CSMD2: variants seen among roughly 807,000 people sequenced by gnomAD.
The protein encoded by CSMD2 is CUB and sushi domain-containing protein 2.
In CSMD2, 130 loss-of-function variants were observed where a neutral mutation model predicts 398.5. The ratio of observed to expected loss-of-function variants is 0.33; its 90% CI spans 0.28 to 0.38. The LOEUF (loss-of-function observed/expected upper bound fraction) is 0.38, where lower values mean the gene tolerates loss of function less well. Among genes scored for constraint, CSMD2 ranks in the 10% least tolerant of loss-of-function variants. The pLI is 1.00. For synonymous variants in CSMD2, 1,828 were observed against 1,908.5 expected (o/e 0.96, Z 1.10); for missense variants, 3,829 against 4,764.9 (o/e 0.80, Z 5.78).
intron 5 of CSMD2, among the ~76,000 whole-genome samples, chr1:33,894,145 C>T (rs1642225913): frequency 2.0e-5 from 3 of 152,252 alleles, no homozygotes; most frequent in South Asian, 2.1e-4. Flanking sequence ...CAGTGGCTCC[C>T]CAAGGCTGAA....
At chr1:33,824,633 G>C (rs1424992316) in intron 7 of CSMD2, among the ~76,000 whole-genome samples, 1 of 152,014 alleles carries the variant, frequency 6.6e-6, no homozygotes, top group Non-Finnish European at 1.5e-5. Context: ...AGTACTTCTA[G>C]CATCTCCAGG....
intron 19 of CSMD2, among the ~76,000 whole-genome samples, chr1:33,723,172 A>G (rs923197293): frequency 6.6e-6 from 1 of 152,234 alleles, no homozygotes; most frequent in Non-Finnish European, 1.5e-5. Context: ...ACAACATTTT[A>G]ATATCCGGAA....
intron 3 of CSMD2, among the ~76,000 whole-genome samples, chr1:34,004,672 G>A (rs907542071): frequency 3.9e-5 from 6 of 152,142 alleles, no homozygotes; most frequent in Non-Finnish European, 8.8e-5. Context: ...ATTGGTTAGG[G>A]TGTAGGAGGG....
intron 7 of CSMD2, among the ~76,000 whole-genome samples, chr1:33,821,508 A>G (rs933160997): frequency 6.6e-6 from 1 of 152,170 alleles, no homozygotes; most frequent in African/African-American, 2.4e-5. Context: ...ACCTCTAGAC[A>G]AGGGTTCCAG....
intron 3 of CSMD2, among the ~76,000 whole-genome samples, chr1:33,958,530 T>C (rs1045550496): frequency 1.5e-4 from 23 of 152,154 alleles, no homozygotes; most frequent in Admixed American, 1.4e-3. Context: ...TGAGTTGACT[T>C]TGAGTTAATC....
At chr1:34,143,733 G>T (rs937346843) in intron 1 of CSMD2, among the ~76,000 whole-genome samples, 1 of 152,192 alleles carries the variant, frequency 6.6e-6, no homozygotes, top group African/African-American at 2.4e-5. Flanking sequence ...TCTTGGTGTT[G>T]CTACTGCTTT....
At position 33,606,506 on chromosome 1, in the gene CSMD2, G is replaced by C. The variant is rs573243064; in HGVS notation, c.6344-1036C>G. Among the ~76,000 whole-genome samples, 5 of 152,330 alleles carry C rather than the reference G, an allele frequency of 3.3e-5. No homozygotes were observed. The South Asian group carries it at 1.0e-3, about 32-fold the overall frequency. ...CCCTGGGAAATCATTGAGGTAATTG[G>C]GTGTGCCAAAAACTGAGCAACCACA... On this transcript the variant is annotated intron_variant, in intron 41 of 70. Coordinates refer to ENST00000373381, the MANE Select transcript of CSMD2 (RefSeq NM_001281956.2).
At position 33,569,425 on chromosome 1, in the gene CSMD2, G is replaced by C. The variant is rs752189179; in HGVS notation, c.8080C>G (p.Arg2694Gly). Reference protein sequence around the residue: ...SGYTLVGSRVRECMANGLWSG... With the variant: ...SGYTLVGSRVGECMANGLWSG... ...CAGAGCCCATTGGCCATGCACTCAC[G>C]CACCCTGGAGCCCACCAGTGTGTAT... Residue 2694 changes from arginine to glycine, a missense_variant, in exon 52 of 71, where the codon CGT becomes GGT. By Grantham distance (125) the Arg-to-Gly change is moderately radical (BLOSUM62 -2). This residue lies in a region of CSMD2 where 723 missense variants were observed against 758.6 expected (regional missense o/e 0.95). Transcript: ENST00000373381. 1.9e-6 allele frequency: 3 copies of C among 1,614,186 alleles called. No homozygotes were observed. The Admixed American group carries it at 5.0e-5, about 27-fold the overall frequency.
intron 3 of CSMD2, among the ~76,000 whole-genome samples, chr1:33,958,148 T>C (rs1645232359): frequency 6.6e-6 from 1 of 152,174 alleles, no homozygotes; most frequent in South Asian, 2.1e-4. Flanking sequence ...ACAGGGATCC[T>C]CATTCCATGA....
chr1:34,118,181 A>T (rs975256899), intron 1 of CSMD2, among the ~76,000 whole-genome samples: 1 of 152,202 alleles, frequency 6.6e-6, no homozygotes, highest in Non-Finnish European at 1.5e-5. Flanking sequence ...ATGCCATTGC[A>T]CTTTAGCCCA....
At chr1:33,553,779 G>C (rs1470399505) in intron 55 of CSMD2, among the ~76,000 whole-genome samples, 1 of 152,144 alleles carries the variant, frequency 6.6e-6, no homozygotes, top group African/African-American at 2.4e-5. Context: ...TGCCAACATG[G>C]AGAAAGTTTG....
intron 10 of CSMD2, among the ~76,000 whole-genome samples, chr1:33,800,368 T>G (rs10493054): frequency 0.8 from 121,100 of 152,150 alleles, 49,156 homozygotes; most frequent in East Asian, 0.96. Context: ...CTCCAGCAGG[T>G]ACTAAGAAGG....
rs1232918472 is a variant in CSMD2, at chr1:34,072,020, A to C, written c.404+16957T>G. ...GGAATAGGACTTAGTGAAGATCACA[A>C]GCAAACCAGTGGCCAAGCTGGGACA... On this transcript the variant is annotated intron_variant, in intron 2 of 70. Transcript: ENST00000373381. 5.3e-5 allele frequency among the ~76,000 whole-genome samples: 8 copies of C among 152,326 alleles called. No homozygotes were observed. In the East Asian group the frequency reaches 1.4e-3, roughly 26 times the overall value.
Position 33,935,962 on chromosome 1 carries a change from G to A in CSMD2, c.518-8C>T, listed in dbSNP as rs1297843543. 6.3e-7 allele frequency: 1 copy of A among 1,599,910 alleles called. No homozygotes were observed. Among genetic ancestry groups the A allele is most frequent in the Non-Finnish European group, 8.5e-7 (1 of 1,173,350 alleles). ...ATGTGTGGCTGGGGAGAACTGTGAG[G>A]AGAAACAGAGAAAGAGACGGGTACC... On this transcript the variant is annotated splice_region_variant and splice_polypyrimidine_tract_variant and intron_variant, in intron 3 of 70. Coordinates refer to ENST00000373381, the MANE Select transcript of CSMD2 (RefSeq NM_001281956.2).
At position 33,773,203 on chromosome 1, in the gene CSMD2, C is replaced by A. The variant is rs72879541; in HGVS notation, c.1664-452G>T. On this transcript the variant is annotated intron_variant, in intron 12 of 70. Coordinates refer to ENST00000373381, the MANE Select transcript of CSMD2 (RefSeq NM_001281956.2). Reference sequence around the variant, plus strand: ...CTGAACTGCTAATGTCACGACAGATCTCAAGTACAGTCCATTTCTGAGCAG... The same window carrying A: ...CTGAACTGCTAATGTCACGACAGATATCAAGTACAGTCCATTTCTGAGCAG... 2.3e-3 allele frequency among the ~76,000 whole-genome samples: 355 copies of A among 152,292 alleles called. 1 individual carries two copies. The highest frequency in any genetic ancestry group is 7.8e-3 in the African/African-American group (326 of 41,582).
chr1:34,072,836 G>A (rs921653644), intron 2 of CSMD2, among the ~76,000 whole-genome samples: 16 of 152,068 alleles, frequency 1.1e-4, no homozygotes, highest in African/African-American at 3.9e-4. Context: ...CCTCCCTTTG[G>A]CATTAGGGAT....
chr1:33,614,497 G>A lies in CSMD2; in HGVS notation c.6133+7C>T. The stretch of plus-strand genomic sequence containing the variant: ...GCCTGTCTCCTCTGGGGGCTGCAGA[G>A]ACTTACCAAAGCCCACGGGCAGTGC... On this transcript the variant is annotated splice_region_variant and intron_variant, in intron 40 of 70. Transcript: ENST00000373381. The A allele has an allele frequency of 6.6e-7, 1 of 1,518,910 alleles. No individual in the cohort carries two copies. The highest frequency in any genetic ancestry group is 9.1e-7 in the Non-Finnish European group (1 of 1,093,318). 94.1% of individuals were successfully genotyped at this position (1,518,910 alleles called of 1,614,324 possible).
chr1:33,649,976 C>T (rs952943586), intron 28 of CSMD2, among the ~76,000 whole-genome samples: 19 of 152,250 alleles, frequency 1.2e-4, no homozygotes, highest in South Asian at 2.1e-4. Context: ...GTGTCAGTTG[C>T]GGGGTCAACA....
chr1:33,527,402 G>C, intron 64 of CSMD2, 144 bp from the exon 65 acceptor site: 1 of 621,858 alleles, frequency 1.6e-6, no homozygotes, highest in South Asian at 2.1e-5. Flanking sequence ...CCAGGAGGTA[G>C]ACTGCTTTGA....
Sources: allele counts gnomAD v4.1 joint callset (sites outside exome capture counted in the v4.1 genomes callset), GRCh38; gene constraint gnomAD v4.1.1; regional missense constraint gnomAD v4.1.1; transcripts MANE v1.5; gene names NCBI Gene and HGNC (gene_info 2026-07-23, HGNC 2026-07-21).